The following PCDHA3 variants were observed in gnomAD, a reference collection of about 807,000 sequenced individuals.
PCDHA3 encodes protocadherin alpha 3.
PCDHA3 carries 41 observed loss-of-function variants against 62.2 expected under a neutral mutation model. That is an observed-to-expected ratio of 0.66 (90% CI 0.51 to 0.86). PCDHA3 has a LOEUF of 0.86. Among genes scored for constraint, PCDHA3 ranks in the 40% least tolerant of loss-of-function variants. The probability of loss-of-function intolerance (pLI) is 0.00; values close to 1 mark genes in which losing one functional copy is unlikely to be tolerated. For synonymous variants in PCDHA3, 640 were observed against 555.4 expected, an observed-to-expected ratio of 1.15 and a Z score of -2.14; for missense variants, 1,304 against 1,241.2, an observed-to-expected ratio of 1.05 and a Z score of -0.76.
chr5:140,979,145 G>A, intron 2 of PCDHA3, 138 bp downstream of exon 2: 1 of 1,447,220 alleles, frequency 6.9e-7, no homozygotes, highest in Non-Finnish European at 9.1e-7. Context: ...CAATTATTTT[G>A]TCCCCATGTT....
chr5:140,875,564 T>C (rs1327477761), intron 1 of PCDHA3: 1 of 1,614,048 alleles, frequency 6.2e-7, no homozygotes, highest in African/African-American at 1.3e-5. Flanking sequence ...AGCGGCCAGC[T>C]CCACTACTCC....
Position 140,801,110 on chromosome 5 carries a change from G to A in PCDHA3, c.-88G>A, listed in dbSNP as rs2149947376. 6.6e-7 allele frequency: 1 copy of A among 1,511,160 alleles called. No individual in the cohort carries two copies. Among genetic ancestry groups the A allele is most frequent in the East Asian group, 2.3e-5 (1 of 44,144 alleles). 93.6% of individuals were successfully genotyped at this position (1,511,160 alleles called of 1,614,324 possible). ...ATCCTCTCTAAAATTTAACACCGAG[G>A]AGTTTAAGAAATGAAGATAAGGAAC... is the stretch of plus-strand genomic sequence containing the variant. On this transcript the variant is annotated 5_prime_UTR_variant, in exon 1 of 4. Coordinates refer to ENST00000522353, the MANE Select transcript of PCDHA3 (RefSeq NM_018906.3).
chr5:140,852,789 C>T, intron 1 of PCDHA3: 1 of 977,530 alleles, frequency 1.0e-6, no homozygotes, highest in Non-Finnish European at 1.2e-6. Context: ...TAGAGGGATG[C>T]TACAGATGTC....
At chr5:140,897,237 G>C (rs1188679482) in intron 1 of PCDHA3, among the ~76,000 whole-genome samples, 1 of 151,784 alleles carries the variant, frequency 6.6e-6, no homozygotes, top group African/African-American at 2.4e-5. Context: ...CAATGTGCAG[G>C]TTAGTTACAT....
chr5:140,967,453 C>A (rs782630345), intron 1 of PCDHA3: 1 of 1,613,556 alleles, frequency 6.2e-7, no homozygotes, highest in Non-Finnish European at 8.5e-7. Context: ...TTCTCACAGC[C>A]GTGGATGGGG....
intron 3 of PCDHA3, among the ~76,000 whole-genome samples, chr5:141,000,339 A>ATC (rs1414297743): frequency 9.8e-6 from 1 of 102,338 alleles, no homozygotes; most frequent in Non-Finnish European, 2.1e-5. Context: ...GCAAGGCCCT[A>ATC]TCTCTCTCTC....
intron 1 of PCDHA3, among the ~76,000 whole-genome samples, chr5:140,818,626 C>T (rs1235638442): frequency 6.6e-6 from 1 of 152,076 alleles, no homozygotes; most frequent in African/African-American, 2.4e-5. Context: ...TGCTTGAGCC[C>T]AGGAGTTCAA....
rs782457236 is a variant in PCDHA3 at position 140,883,560 on chromosome 5, G to A, written c.2394+79969G>A. 2 of 1,614,184 alleles carry A rather than the reference G, an allele frequency of 1.2e-6. No homozygotes were observed. Among genetic ancestry groups the A allele is most frequent in the Admixed American group, 1.7e-5 (1 of 60,028 alleles). ...CTGGTGGTGACCGCGCGGGACGGGGGCTCGCCTTCGCTGTGGGCCACGGCC... is the reference window on the plus strand; with the variant it reads ...CTGGTGGTGACCGCGCGGGACGGGGACTCGCCTTCGCTGTGGGCCACGGCC... On this transcript the variant is annotated intron_variant, in intron 1 of 3. Coordinates refer to ENST00000522353, the MANE Select transcript of PCDHA3 (RefSeq NM_018906.3).
At chr5:140,959,090 G>A (rs797041561) in intron 1 of PCDHA3, among the ~76,000 whole-genome samples, 2 of 151,986 alleles carry the variant, frequency 1.3e-5, no homozygotes, top group African/African-American at 2.4e-5. Flanking sequence ...CCTTGGTTTC[G>A]GACATTCAGC....
At chr5:140,820,720 G>A (rs1397690917) in intron 1 of PCDHA3, among the ~76,000 whole-genome samples, 1 of 151,938 alleles carries the variant, frequency 6.6e-6, no homozygotes, top group East Asian at 1.9e-4. Flanking sequence ...ATATTTACTG[G>A]AACCTAAACA....
At chr5:140,884,416 G>A (rs1035372416) in intron 1 of PCDHA3, 22 of 1,613,888 alleles carry the variant, frequency 1.4e-5, no homozygotes, top group Non-Finnish European at 1.7e-5. Context: ...TCACGTTGCT[G>A]CTGTATACTG....
At chr5:140,941,219 C>CTT (rs1308794823) in intron 1 of PCDHA3, among the ~76,000 whole-genome samples, 11 of 125,974 alleles carry the variant, frequency 8.7e-5, no homozygotes, top group African/African-American at 3.2e-4. Flanking sequence ...TTCTTCCTTT[C>CTT]TTTCTTTCTT....
intron 1 of PCDHA3, among the ~76,000 whole-genome samples, chr5:140,951,497 A>G (rs2094591184): frequency 6.6e-6 from 1 of 152,030 alleles, no homozygotes; most frequent in Non-Finnish European, 1.5e-5. Flanking sequence ...GGTGGAAGGC[A>G]AAAGGAAAGC....
At chr5:140,848,056 C>T (rs2150406105) in intron 1 of PCDHA3, 2 of 161,888 alleles carry the variant, frequency 1.2e-5, no homozygotes, top group South Asian at 3.2e-4. Context: ...TTAATTGTTA[C>T]TTCATTTCTG....
chr5:140,842,857 G>A, intron 1 of PCDHA3: 1 of 1,594,002 alleles, frequency 6.3e-7, no homozygotes, highest in East Asian at 2.2e-5. Context: ...CGGTGCACAC[G>A]GAGAGCGGCA....
At chr5:140,900,700 T>C (rs557185787) in intron 1 of PCDHA3, among the ~76,000 whole-genome samples, 1 of 152,352 alleles carries the variant, frequency 6.6e-6, no homozygotes, top group South Asian at 2.1e-4. Context: ...ATTTCCGTTC[T>C]TTTGGAAAGA....
chr5:140,949,120 T>C (rs782586418), intron 1 of PCDHA3, among the ~76,000 whole-genome samples: 3 of 151,756 alleles, frequency 2.0e-5, no homozygotes, highest in Non-Finnish European at 4.4e-5. Flanking sequence ...ATATTTTTGG[T>C]TTTCCTAGCT....
At chr5:140,905,627 G>A (rs1233983487) in intron 1 of PCDHA3, among the ~76,000 whole-genome samples, 1 of 152,150 alleles carries the variant, frequency 6.6e-6, no homozygotes, top group African/African-American at 2.4e-5. Context: ...GCTTTTGACA[G>A]TATGGTCAGT....
At chr5:140,860,638 CGAA>C (rs2046489260) in intron 1 of PCDHA3, 1 of 152,104 alleles carries the variant, frequency 6.6e-6, no homozygotes, top group African/African-American at 2.4e-5. Context: ...GAATCAGGAA[CGAA>C]GAAGATAAGT....
Sources: allele counts gnomAD v4.1 joint callset (sites outside exome capture counted in the v4.1 genomes callset), GRCh38; gene constraint gnomAD v4.1.1; transcripts MANE v1.5; gene names NCBI Gene and HGNC (gene_info 2026-07-23, HGNC 2026-07-21).